The following ERMARD variants were observed in gnomAD, a reference collection of about 807,000 sequenced individuals.
ERMARD encodes endoplasmic reticulum membrane-associated RNA degradation protein.
ERMARD carries 71 observed loss-of-function variants against 83.9 expected under a neutral mutation model. The observed-to-expected ratio is 0.85, with a 90% confidence interval of 0.70 to 1.03. The LOEUF (loss-of-function observed/expected upper bound fraction) is 1.03. ERMARD is among the 50% of genes least tolerant of loss of function. The pLI, the probability that ERMARD is intolerant of heterozygous loss-of-function variation, is 0.00. For missense variants in ERMARD, 838 were observed against 810.9 expected (o/e 1.03, Z -0.41); for synonymous variants, 284 against 298.6 (o/e 0.95, Z 0.50).
In ERMARD at chr6:169,769,674, A is replaced by C. The variant is rs1792660832; in HGVS notation, c.1194A>C (p.Leu398=). 1 of 1,610,538 alleles carries C rather than the reference A, an allele frequency of 6.2e-7. No homozygotes were observed. The highest frequency in any genetic ancestry group is 8.5e-7 in the Non-Finnish European group (1 of 1,178,510). Residue 398 remains leucine (L), a synonymous_variant, in exon 12 of 18, where the codon CTA becomes CTC. Transcript: ENST00000366773. ...NQLLAFSLVL[L]LRFVDDCLLS... ...TGCTTGCATTTTCTCTTGTACTGCT[A>C]CTCAGATTCGTTGATGACTGTCTGC...
intron 13 of ERMARD, among the ~76,000 whole-genome samples, chr6:169,774,320 G>A (rs947073774): frequency 1.3e-5 from 2 of 152,254 alleles, no homozygotes; most frequent in African/African-American, 4.8e-5. Flanking sequence ...CTCGGAGGCA[G>A]AGCATCGGGC....
intron 9 of ERMARD, among the ~76,000 whole-genome samples, chr6:169,765,412 G>A (rs963937341): frequency 6.6e-6 from 1 of 152,192 alleles, no homozygotes; most frequent in Non-Finnish European, 1.5e-5. Context: ...GTTTCTTCAG[G>A]ACCAGTGGAA....
At chr6:169,774,443 G>A (rs1387406261) in intron 13 of ERMARD, among the ~76,000 whole-genome samples, 2 of 152,184 alleles carry the variant, frequency 1.3e-5, no homozygotes, top group African/African-American at 4.8e-5. Flanking sequence ...AGGTAGGGAG[G>A]AGGGAAGATT....
chr6:169,769,166 T>C (rs1183124139), intron 11 of ERMARD, among the ~76,000 whole-genome samples: 1 of 152,236 alleles, frequency 6.6e-6, no homozygotes, highest in Non-Finnish European at 1.5e-5. Context: ...AACAGACTTT[T>C]GAAGGTGAAA....
chr6:169,778,907 C>T (rs1189938885), intron 16 of ERMARD, among the ~76,000 whole-genome samples: 3 of 152,248 alleles, frequency 2.0e-5, no homozygotes, highest in African/African-American at 7.2e-5. Flanking sequence ...TGCATGGCCC[C>T]TGGCAGCCCT....
chr6:169,769,924 C>T (rs1023738021), intron 12 of ERMARD, among the ~76,000 whole-genome samples: 1 of 152,176 alleles, frequency 6.6e-6, no homozygotes, highest in Admixed American at 6.5e-5. Context: ...AATAATTTAA[C>T]TCGTTTCTTA....
intron 17 of ERMARD, among the ~76,000 whole-genome samples, chr6:169,780,309 C>T (rs868217487): frequency 2.0e-4 from 31 of 152,304 alleles, no homozygotes; most frequent in African/African-American, 7.0e-4. Context: ...GTGCCCTAGA[C>T]ATTGCCAGAT....
intron 17 of ERMARD, among the ~76,000 whole-genome samples, 184 bp downstream of exon 17, chr6:169,779,479 G>GT (rs1226948944): frequency 8.0e-5 from 12 of 149,762 alleles, no homozygotes; most frequent in East Asian, 1.9e-4. Flanking sequence ...TCAAAACCAT[G>GT]TTTTTTTTGT....
At chr6:169,762,646 TAGCTAA>T in intron 9 of ERMARD, 115 bp downstream of exon 9, 1 of 838,326 alleles carries the variant, frequency 1.2e-6, no homozygotes, top group Non-Finnish European at 1.9e-6. Flanking sequence ...GATTTTAATT[TAGCTAA>T]GAACTGTGGA....
intron 14 of ERMARD, 76 bp downstream of exon 14, chr6:169,775,422 C>T (rs777252641): frequency 1.8e-5 from 27 of 1,507,296 alleles, no homozygotes; most frequent in South Asian, 1.3e-4. Context: ...TCTTCTTTAA[C>T]GAGGCTGTGG....
At position 169,769,588 on chromosome 6, in the gene ERMARD, G is replaced by C. The variant is rs1387674710; in HGVS notation, c.1108G>C (p.Asp370His). ...CCATCAGGAGGGTCCCCGCATAAGA[G>C]ATCATTTAAGCCACGGGGAGATCAA... ...LNHQEGPRIR[D>H]HLSHGEINLH... Residue 370 changes from aspartate (D) to histidine (H), a missense_variant, in exon 12 of 18, where the codon GAT (aspartate) becomes CAT (histidine). Transcript: ENST00000366773. The C allele has an allele frequency of 6.2e-7, 1 of 1,612,446 alleles. No individual in the cohort carries two copies. Among genetic ancestry groups the C allele is most frequent in the African/African-American group, 1.3e-5 (1 of 74,886 alleles).
chr6:169,754,104 C>G lies in ERMARD; in HGVS notation c.175+72C>G, dbSNP rs1790497627. On this transcript the variant is annotated intron_variant, in intron 2 of 17. Transcript: ENST00000366773. ...AAATGTCTTGACCTGTAAAATTCCCCTTTCTGACCATTGGTTCCTTTTGTT... is the reference window on the plus strand; with the variant it reads ...AAATGTCTTGACCTGTAAAATTCCCGTTTCTGACCATTGGTTCCTTTTGTT... 2.7e-5 allele frequency: 39 copies of G among 1,422,672 alleles called. No homozygotes were observed. In the South Asian group the frequency reaches 5.1e-4, roughly 19 times the overall value. 88.1% of individuals were successfully genotyped at this position (1,422,672 alleles called of 1,614,324 possible).
rs576536784 is a variant in ERMARD, at chr6:169,761,071, ATTCTGT to A, written c.857+325_857+330del. Reference sequence around the variant, plus strand: ...ATAGATAAGCCAGCTTCGTCCTTACATTCTGTTTCTGTTTCCTGAGGAGCAAACACA... The same window carrying A: ...ATAGATAAGCCAGCTTCGTCCTTACATTCTGTTTCCTGAGGAGCAAACACA... On this transcript the variant is annotated intron_variant, in intron 8 of 17. Coordinates refer to ENST00000366773, the MANE Select transcript of ERMARD (RefSeq NM_018341.3). 1.6e-3 allele frequency among the ~76,000 whole-genome samples: 249 copies of A among 152,288 alleles called. 1 individual carries two copies. The highest frequency in any genetic ancestry group is 5.7e-3 in the African/African-American group (238 of 41,570).
chr6:169,753,505 T>C (rs1025865305), intron 1 of ERMARD: 1 of 161,178 alleles, frequency 6.2e-6, no homozygotes, highest in Non-Finnish European at 1.4e-5. Flanking sequence ...GCTCTGGTCG[T>C]AAAACACATT....
At chr6:169,765,521 A>T (rs969184378) in intron 9 of ERMARD, among the ~76,000 whole-genome samples, 1 of 152,176 alleles carries the variant, frequency 6.6e-6, no homozygotes, top group Non-Finnish European at 1.5e-5. Context: ...AGTAGAAGCT[A>T]ATGTGTGTAG....
rs147639298 is a variant in ERMARD, at chr6:169,755,399, T to C, written c.292T>C (p.Phe98Leu). The change falls in exon 3 of 18, where the codon TTC (phenylalanine) becomes CTC (leucine). Residue 98 changes from phenylalanine to leucine, a missense_variant. Coordinates refer to ENST00000366773, the MANE Select transcript of ERMARD (RefSeq NM_018341.3). Reference sequence around the variant, plus strand: ...ATTTGAAATTCGATATGCACCGTGGTTCCAGTGGACAAGTTTTCCAGAGGT... The same window carrying C: ...ATTTGAAATTCGATATGCACCGTGGCTCCAGTGGACAAGTTTTCCAGAGGT... ...GQFEIRYAPW[F>L]QWTSFPELFP... The C allele has an allele frequency of 9.3e-6, 15 of 1,614,086 alleles. No homozygotes were observed. Among genetic ancestry groups the C allele is most frequent in the Non-Finnish European group, 1.3e-5 (15 of 1,180,004 alleles).
At chr6:169,781,227 T>A (rs1449191153) in intron 17 of ERMARD, 103 bp from the exon 18 acceptor site, 3 of 998,490 alleles carry the variant, frequency 3.0e-6, no homozygotes, top group Non-Finnish European at 4.3e-6. Context: ...ATAAATTAAC[T>A]GCAGTTTACT....
chr6:169,779,371 T>TG (rs1674667075), intron 17 of ERMARD, 76 bp downstream of exon 17: 4 of 1,285,202 alleles, frequency 3.1e-6, no homozygotes, highest in African/African-American at 1.5e-5. Context: ...GGAGTGAGAT[T>TG]GGGGCAGTGT....
At chr6:169,759,213 T>C (rs574765935) in intron 6 of ERMARD, 148 bp downstream of exon 6, 5 of 707,810 alleles carry the variant, frequency 7.1e-6, no homozygotes, top group South Asian at 5.6e-5. Context: ...ATATTACTAG[T>C]GTAGTCACCA....
Sources: allele counts gnomAD v4.1 joint callset (sites outside exome capture counted in the v4.1 genomes callset), GRCh38; gene constraint gnomAD v4.1.1; transcripts MANE v1.5; gene names NCBI Gene and HGNC (gene_info 2026-07-23, HGNC 2026-07-21).